CUBN: variants seen among roughly 807,000 people sequenced by gnomAD.
CUBN encodes the protein cubilin.
Under a neutral mutation model 405.3 loss-of-function variants are expected in CUBN, and 282 were observed. The ratio of observed to expected loss-of-function variants is 0.70; its 90% CI spans 0.63 to 0.77. The LOEUF is 0.77. Among genes scored for constraint, CUBN ranks in the 30% least tolerant of loss-of-function variants. The probability of loss-of-function intolerance (pLI) is 0.00; values close to 1 mark genes in which losing one functional copy is unlikely to be tolerated. For missense variants in CUBN, 4,514 were observed against 4,475.2 expected, an observed-to-expected ratio of 1.01 and a Z score of -0.25; for synonymous variants, 1,684 against 1,617.0, an observed-to-expected ratio of 1.04 and a Z score of -0.99.
intron 49 of CUBN, 78 bp from the exon 50 acceptor site, chr10:16,906,487 G>A: frequency 1.2e-5 from 12 of 1,018,630 alleles, no homozygotes; most frequent in Non-Finnish European, 1.7e-5. Flanking sequence ...TACAGGAACA[G>A]TAACTAAAAC....
chr10:16,991,682 A>G (rs1833593587), intron 28 of CUBN, among the ~76,000 whole-genome samples: 1 of 141,716 alleles, frequency 7.1e-6, no homozygotes, highest in African/African-American at 2.6e-5. Context: ...TCTTCCAATT[A>G]CCTTCTCTTA....
At chr10:16,941,415 A>G (rs1842647602) in intron 36 of CUBN, among the ~76,000 whole-genome samples, 1 of 152,228 alleles carries the variant, frequency 6.6e-6, no homozygotes, top group African/African-American at 2.4e-5. Context: ...ATCCTAGAAG[A>G]AAACACGGAG....
At chr10:16,854,200 G>C (rs1839803019) in intron 59 of CUBN, among the ~76,000 whole-genome samples, 1 of 152,158 alleles carries the variant, frequency 6.6e-6, no homozygotes, top group Non-Finnish European at 1.5e-5. Flanking sequence ...CAGCCTGAAA[G>C]AATCTCTTGA....
At chr10:16,833,504 C>T (rs1163593468) in intron 64 of CUBN, among the ~76,000 whole-genome samples, 3 of 152,198 alleles carry the variant, frequency 2.0e-5, no homozygotes, top group African/African-American at 7.2e-5. Flanking sequence ...GATAAAACTC[C>T]GCATCAGGAA....
chr10:17,122,215 G>C (rs1837059671), intron 6 of CUBN: 1 of 159,982 alleles, frequency 6.3e-6, no homozygotes, highest in African/African-American at 2.4e-5. Context: ...CTGTGGACAA[G>C]TCACTTGACA....
intron 15 of CUBN, among the ~76,000 whole-genome samples, chr10:17,086,902 T>C (rs1003542660): frequency 5.3e-5 from 8 of 152,330 alleles, no homozygotes; most frequent in Middle Eastern, 3.4e-3. Context: ...GTGTAGGAAT[T>C]TTTTAAAGCC....
At chr10:17,119,429 G>C (rs1439719618) in intron 6 of CUBN, among the ~76,000 whole-genome samples, 1 of 152,210 alleles carries the variant, frequency 6.6e-6, no homozygotes, top group African/African-American at 2.4e-5. Context: ...GGTGGCTGAA[G>C]CGGGCAGATC....
intron 10 of CUBN, among the ~76,000 whole-genome samples, chr10:17,105,930 T>G (rs1004235046): frequency 8.5e-5 from 13 of 152,184 alleles, no homozygotes; most frequent in Non-Finnish European, 1.6e-4. Context: ...AAGGAGATTC[T>G]TAGGATGAAA....
chr10:17,008,087 G>T (rs931235779), intron 28 of CUBN, among the ~76,000 whole-genome samples: 1 of 152,098 alleles, frequency 6.6e-6, no homozygotes, highest in African/African-American at 2.4e-5. Context: ...AAAGGCTGAG[G>T]CTGCAGTGAG....
At chr10:16,887,958 G>A (rs1840870757) in intron 56 of CUBN, among the ~76,000 whole-genome samples, 1 of 152,166 alleles carries the variant, frequency 6.6e-6, no homozygotes, top group Non-Finnish European at 1.5e-5. Context: ...ATTATGCTAA[G>A]TGAAATAAGC....
At chr10:16,866,113 T>C (rs1179825401) in intron 59 of CUBN, among the ~76,000 whole-genome samples, 1 of 152,016 alleles carries the variant, frequency 6.6e-6, no homozygotes, top group South Asian at 2.1e-4. Flanking sequence ...AGACCTCCCA[T>C]CTAATAGAGC....
chr10:17,106,670 G>A (rs1836640075), intron 10 of CUBN, among the ~76,000 whole-genome samples: 1 of 150,012 alleles, frequency 6.7e-6, no homozygotes, highest in Non-Finnish European at 1.5e-5. Flanking sequence ...CCAGTACACA[G>A]ACAGCCTGTC....
At chr10:16,854,914 C>CT (rs774950233) in intron 59 of CUBN, among the ~76,000 whole-genome samples, 30 of 150,904 alleles carry the variant, frequency 2.0e-4, no homozygotes, top group African/African-American at 6.3e-4. Flanking sequence ...CCCTCCTTTC[C>CT]TTCCTTCCTT....
At chr10:16,848,787 T>G (rs1292990316) in intron 60 of CUBN, among the ~76,000 whole-genome samples, 1 of 146,446 alleles carries the variant, frequency 6.8e-6, no homozygotes, top group Non-Finnish European at 1.5e-5. Context: ...CTGCAGCTTA[T>G]ACCTTCTGGG....
intron 36 of CUBN, among the ~76,000 whole-genome samples, chr10:16,943,737 G>A (rs773967879): frequency 3.3e-5 from 5 of 152,154 alleles, no homozygotes; most frequent in Non-Finnish European, 5.9e-5. Context: ...AACCAACTCA[G>A]TGAGAAAGTG....
Position 17,129,810 on chromosome 10 carries a change from C to T in CUBN, c.-45G>A. The T allele has an allele frequency of 6.2e-7, 1 of 1,608,972 alleles. No homozygotes were observed. Among genetic ancestry groups the T allele is most frequent in the Admixed American group, 1.7e-5 (1 of 60,010 alleles). ...GTAAGAGTGAGGCCACTCCAACCAA[C>T]TGAGCATGGGATTTTGGAGAACAGC... On this transcript the variant is annotated 5_prime_UTR_variant, in exon 1 of 67. Coordinates refer to ENST00000377833, the MANE Select transcript of CUBN (RefSeq NM_001081.4).
chr10:16,916,150 T>C, intron 45 of CUBN, 120 bp from the exon 46 acceptor site: 1 of 860,210 alleles, frequency 1.2e-6, no homozygotes, highest in Non-Finnish European at 1.8e-6. Flanking sequence ...AGGTGCCAAG[T>C]GACTCTGAAT....
intron 27 of CUBN, among the ~76,000 whole-genome samples, chr10:17,023,095 A>C (rs1286053892): frequency 6.7e-6 from 1 of 149,082 alleles, no homozygotes; most frequent in Non-Finnish European, 1.5e-5. Context: ...ACTTAAAGAG[A>C]TTTCTTTTTT....
Position 16,890,382 on chromosome 10 carries a change from G to A in CUBN, c.8744C>T (p.Ser2915Phe), listed in dbSNP as rs1163342532. The change falls in exon 55 of 67, where the codon TCC becomes TTC. Residue 2915 changes from serine to phenylalanine, a missense_variant. Transcript: ENST00000377833. ...QEAPAQGFSA[S>F]FVSRCGSNFT... Reference sequence around the variant, plus strand: ...TTAGGGCTACTTACGGCTAACAAAGGACGCGGAGAAGCCCTGAGCTGGTGC... The same window carrying A: ...TTAGGGCTACTTACGGCTAACAAAGAACGCGGAGAAGCCCTGAGCTGGTGC... 4 of 1,613,156 alleles carry A rather than the reference G, an allele frequency of 2.5e-6. No individual in the cohort carries two copies. The highest frequency in any genetic ancestry group is 2.7e-5 in the African/African-American group (2 of 75,012).
Sources: allele counts gnomAD v4.1 joint callset (sites outside exome capture counted in the v4.1 genomes callset), GRCh38; gene constraint gnomAD v4.1.1; transcripts MANE v1.5; gene names NCBI Gene and HGNC (gene_info 2026-07-23, HGNC 2026-07-21).